Variants in LPCAT1 observed in about 807,000 individuals in gnomAD.
LPCAT1 encodes 1-acylglycerol-3-phosphate O-acyltransferase.
In LPCAT1, 23 loss-of-function variants were observed where a neutral mutation model predicts 60.9. The observed-to-expected ratio is 0.38, with a 90% CI of 0.27 to 0.53. The LOEUF (loss-of-function observed/expected upper bound fraction) is 0.53, where lower values mean the gene tolerates loss of function less well. LPCAT1 is among the 20% of genes least tolerant of loss of function. LPCAT1 has a pLI of 0.82. For missense variants in LPCAT1, 622 were observed against 723.6 expected (o/e 0.86, Z 1.61); for synonymous variants, 340 against 301.1 (o/e 1.13, Z -1.34).
chr5:1,474,458 T>G, intron 10 of LPCAT1, 102 bp downstream of exon 10: 1 of 1,358,108 alleles, frequency 7.4e-7, no homozygotes, highest in South Asian at 1.4e-5. Context: ...TAATTAATAA[T>G]TATCTCCTCA....
Position 1,523,277 on chromosome 5 carries a change from G to A in LPCAT1, c.135+433C>T, listed in dbSNP as rs1480088002. Among the ~76,000 whole-genome samples, 1 of 151,954 alleles carries A rather than the reference G, an allele frequency of 6.6e-6. No individual in the cohort carries two copies. The highest frequency in any genetic ancestry group is 1.5e-5 in the Non-Finnish European group (1 of 67,976). On this transcript the variant is annotated intron_variant, in intron 1 of 13. Coordinates refer to ENST00000283415, the MANE Select transcript of LPCAT1 (RefSeq NM_024830.5). This position sits in a 1 kb window ranked among gnomAD's most constrained non-coding sequence, Gnocchi z 7.1. Reference sequence around the variant, plus strand: ...TCCGGAGTCCCCGGGCTGCGCGCAGGGCCTGCCAAGGCGGGCGGGGCCCGG... The same window carrying A: ...TCCGGAGTCCCCGGGCTGCGCGCAGAGCCTGCCAAGGCGGGCGGGGCCCGG...
intron 13 of LPCAT1, among the ~76,000 whole-genome samples, chr5:1,465,622 CAA>C (rs1734354425): frequency 2.0e-5 from 3 of 151,716 alleles, no homozygotes; most frequent in African/African-American, 7.3e-5. Flanking sequence ...CGCACACACA[CAA>C]AACAAGCACA....
intron 1 of LPCAT1, among the ~76,000 whole-genome samples, chr5:1,508,491 G>A (rs1206185435): frequency 6.6e-6 from 1 of 152,084 alleles, no homozygotes; most frequent in South Asian, 2.1e-4. Flanking sequence ...AGGGAGGGAC[G>A]GCCCTGTGAG....
At chr5:1,516,963 A>G (rs2126622820) in intron 1 of LPCAT1, among the ~76,000 whole-genome samples, 1 of 152,372 alleles carries the variant, frequency 6.6e-6, no homozygotes, top group South Asian at 2.1e-4. Context: ...CCAGGGATGC[A>G]TTGGTTTTAA....
At chr5:1,465,638 G>GCACAGA (rs955885142) in intron 13 of LPCAT1, among the ~76,000 whole-genome samples, 5 of 150,266 alleles carry the variant, frequency 3.3e-5, no homozygotes, top group African/African-American at 1.2e-4. Context: ...AAGCACAAGA[G>GCACAGA]CACAGACACG....
In LPCAT1 at chr5:1,522,256, T is replaced by C. The variant is rs1274849427; in HGVS notation, c.135+1454A>G. On this transcript the variant is annotated intron_variant, in intron 1 of 13. Transcript: ENST00000283415. The surrounding 1 kb of genome is among the most constrained non-coding windows in gnomAD (Gnocchi z 6.8). ...AGGGAGAGTGACCAGGGAGAGAGCC[T>C]GGTGGCTGGGTGGGGGTGAGGATTG... is the stretch of plus-strand genomic sequence containing the variant. Among the ~76,000 whole-genome samples, 1 of 152,076 alleles carries C rather than the reference T, an allele frequency of 6.6e-6. No individual in the cohort carries two copies. The highest frequency in any genetic ancestry group is 2.4e-5 in the African/African-American group (1 of 41,408).
rs1016946276 is a variant in LPCAT1 at position 1,502,536 on chromosome 5, G to C, written c.136-933C>G. On this transcript the variant is annotated intron_variant, in intron 1 of 13. Coordinates refer to ENST00000283415, the MANE Select transcript of LPCAT1 (RefSeq NM_024830.5). This position sits in a 1 kb window ranked among gnomAD's most constrained non-coding sequence, Gnocchi z 5.5. The stretch of plus-strand genomic sequence containing the variant: ...ATGGGGGCTCAGGAAGGCCCCCCAA[G>C]CCAGGGCAGGCCCCCACGCCAGGGA... 6.6e-6 allele frequency among the ~76,000 whole-genome samples: 1 copy of C among 152,198 alleles called. No homozygotes were observed. Among genetic ancestry groups the C allele is most frequent in the African/African-American group, 2.4e-5 (1 of 41,436 alleles).
chr5:1,468,096 G>C (rs1370931693), intron 12 of LPCAT1, among the ~76,000 whole-genome samples: 1 of 152,054 alleles, frequency 6.6e-6, no homozygotes, highest in South Asian at 2.1e-4. Context: ...AAACGCTGAC[G>C]CCTCCAGCCT....
rs1041519140 is a variant in LPCAT1 at position 1,474,500 on chromosome 5, G to A, written c.1025+60C>T. 17 of 1,591,250 alleles carry A rather than the reference G, an allele frequency of 1.1e-5. 1 individual carries two copies. In the Admixed American group the frequency reaches 1.7e-4, roughly 16 times the overall value. On this transcript the variant is annotated intron_variant, in intron 10 of 13. Transcript: ENST00000283415. The stretch of plus-strand genomic sequence containing the variant: ...CTCCCTGCAACCCCAGGCAGCCCCC[G>A]CCAGACCTCGGCATCACGGGTTCTA...
rs2126453384 is a variant in LPCAT1, at chr5:1,463,564, G to A, written c.*87C>T. ...GACAGTGCCTGTACAGCAGGAGTGA[G>A]GAGCGGAGCCCAGAGGTCACTCGCA... On this transcript the variant is annotated 3_prime_UTR_variant, in exon 14 of 14. Coordinates refer to ENST00000283415, the MANE Select transcript of LPCAT1 (RefSeq NM_024830.5). 7.0e-7 allele frequency: 1 copy of A among 1,420,054 alleles called. No individual in the cohort carries two copies. The highest frequency in any genetic ancestry group is 2.0e-5 in the Admixed American group (1 of 50,430). The allele number at this position is 1,420,054 out of a possible 1,614,324, so 88.0% of individuals were successfully genotyped here. A position where few individuals can be genotyped will look rare whatever the true frequency, so the allele number is the denominator to read the frequency against.
chr5:1,517,460 G>C (rs1452857146), intron 1 of LPCAT1, among the ~76,000 whole-genome samples: 1 of 152,188 alleles, frequency 6.6e-6, no homozygotes, highest in Non-Finnish European at 1.5e-5. Context: ...GTGAGACGGA[G>C]TGGGACAGGG....
chr5:1,494,953 G>C lies in LPCAT1; in HGVS notation c.279-39C>G, dbSNP rs756109321. On this transcript the variant is annotated intron_variant, in intron 2 of 13. Coordinates refer to ENST00000283415, the MANE Select transcript of LPCAT1 (RefSeq NM_024830.5). Reference sequence around the variant, plus strand: ...CGCTGCGTCACGCGGGCACACGTCCGCAGTCTCGGAGTCTGTGTGAGGCAC... The same window carrying C: ...CGCTGCGTCACGCGGGCACACGTCCCCAGTCTCGGAGTCTGTGTGAGGCAC... The C allele has an allele frequency of 7.9e-5, 121 of 1,535,996 alleles. 1 individual carries two copies. The South Asian group carries it at 1.1e-3, about 14-fold the overall frequency.
chr5:1,505,438 G>A (rs1238671814), intron 1 of LPCAT1, among the ~76,000 whole-genome samples: 1 of 152,240 alleles, frequency 6.6e-6, no homozygotes. Flanking sequence ...AGCACCGACT[G>A]CCAGGCCATT....
In LPCAT1 at chr5:1,523,233, C is replaced by G. The variant is rs1736727682; in HGVS notation, c.135+477G>C. Reference sequence around the variant, plus strand: ...CCGCGGTGCCCTCCCGCCCGCGGGCCGCGTCCAGGCAAAGCCGCTCCGGAG... The same window carrying G: ...CCGCGGTGCCCTCCCGCCCGCGGGCGGCGTCCAGGCAAAGCCGCTCCGGAG... On this transcript the variant is annotated intron_variant, in intron 1 of 13. Coordinates refer to ENST00000283415, the MANE Select transcript of LPCAT1 (RefSeq NM_024830.5). This position sits in a 1 kb window ranked among gnomAD's most constrained non-coding sequence, Gnocchi z 7.1. Among the ~76,000 whole-genome samples the G allele has an allele frequency of 6.6e-6, 1 of 151,994 alleles. No homozygotes were observed. Among genetic ancestry groups the G allele is most frequent in the African/African-American group, 2.4e-5 (1 of 41,402 alleles).
intron 1 of LPCAT1, among the ~76,000 whole-genome samples, chr5:1,515,939 T>C (rs1736494455): frequency 6.6e-6 from 1 of 152,204 alleles, no homozygotes; most frequent in South Asian, 2.1e-4. Flanking sequence ...GTAACGTCTG[T>C]GAGGCAAGGC....
chr5:1,468,321 G>T (rs1164277737), intron 12 of LPCAT1, among the ~76,000 whole-genome samples: 1 of 152,224 alleles, frequency 6.6e-6, no homozygotes, highest in East Asian at 1.9e-4. Flanking sequence ...TCAAACATCT[G>T]CAGACGAAAT....
intron 13 of LPCAT1, among the ~76,000 whole-genome samples, chr5:1,465,831 T>C (rs1734369953): frequency 6.7e-6 from 1 of 150,162 alleles, no homozygotes; most frequent in Non-Finnish European, 1.5e-5. Flanking sequence ...CACACACGTA[T>C]GCACACGCAC....
intron 2 of LPCAT1, 73 bp from the exon 3 acceptor site, chr5:1,494,987 TC>T: frequency 7.1e-7 from 1 of 1,405,156 alleles, no homozygotes; most frequent in Non-Finnish European, 9.7e-7. Flanking sequence ...ACAGGGGCGG[TC>T]CCACGGGAGA....
At chr5:1,520,586 C>T (rs1482193161) in intron 1 of LPCAT1, among the ~76,000 whole-genome samples, 3 of 152,158 alleles carry the variant, frequency 2.0e-5, no homozygotes, top group East Asian at 1.9e-4. Flanking sequence ...ATGGGCCGGG[C>T]GCGGTGGTTC....
Sources: gnomAD v4.1 joint callset for allele counts (sites outside exome capture counted in the v4.1 genomes callset) on GRCh38, gnomAD v4.1.1 for gene constraint, Gnocchi (gnomAD v3.1) non-coding constraint, MANE v1.5 for transcripts, NCBI Gene and HGNC (gene_info 2026-07-23, HGNC 2026-07-21) for gene names.